GAREM1: variants seen among roughly 807,000 people sequenced by gnomAD.
GAREM1 encodes the protein GRB2-associated and regulator of MAPK protein 1.
Under a neutral mutation model 71.3 loss-of-function variants are expected in GAREM1, and 26 were observed. The observed-to-expected ratio is 0.36, with a 90% confidence interval of 0.27 to 0.51. GAREM1 has a LOEUF of 0.51. Among genes scored for constraint, GAREM1 ranks in the 20% least tolerant of loss-of-function variants. The probability of loss-of-function intolerance (pLI) is 0.95; values close to 1 mark genes in which losing one functional copy is unlikely to be tolerated. For missense variants in GAREM1, 1,026 were observed against 1,103.1 expected, an observed-to-expected ratio of 0.93 and a Z score of 0.99; for synonymous variants, 440 against 433.2, an observed-to-expected ratio of 1.02 and a Z score of -0.20.
intron 4 of GAREM1, among the ~76,000 whole-genome samples, chr18:32,270,897 GTTTTTTTTTTT>G (rs58914123): frequency 3.2e-5 from 3 of 92,614 alleles, no homozygotes; most frequent in South Asian, 4.6e-4. Context: ...GTTCAGGGAT[GTTTTTTTTTTT>G]TTTTTTTTTT....
intron 2 of GAREM1, among the ~76,000 whole-genome samples, chr18:32,367,082 A>C (rs2047934332): frequency 6.6e-6 from 1 of 152,212 alleles, no homozygotes; most frequent in South Asian, 2.1e-4. Flanking sequence ...CAAACAACAA[A>C]ACCACACAAC....
At chr18:32,419,552 G>A (rs1049515135) in intron 1 of GAREM1, among the ~76,000 whole-genome samples, 1 of 152,134 alleles carries the variant, frequency 6.6e-6, no homozygotes, top group Non-Finnish European at 1.5e-5. Flanking sequence ...CTGTGATCCT[G>A]GAATGCCAGC....
At chr18:32,457,200 AGGG>A (rs1345947983) in intron 1 of GAREM1, among the ~76,000 whole-genome samples, 1 of 22,884 alleles carries the variant, frequency 4.4e-5, no homozygotes, top group African/African-American at 1.8e-4. Flanking sequence ...TTGTGTGTGT[AGGG>A]GGGGAGAGAG....
chr18:32,299,098 A>AAC, intron 3 of GAREM1, among the ~76,000 whole-genome samples: 1 of 152,330 alleles, frequency 6.6e-6, no homozygotes, highest in East Asian at 1.9e-4. Context: ...CTATCTTCAA[A>AAC]ACATTGAAAT....
rs550531323 is a variant in GAREM1, at chr18:32,270,265, C to T, written c.1685G>A (p.Arg562His). 6.7e-5 allele frequency: 108 copies of T among 1,613,846 alleles called. No individual in the cohort carries two copies. The Middle Eastern group carries it at 1.2e-3, about 17-fold the overall frequency. Residue 562 changes from arginine (R) to histidine (H), a missense_variant, in exon 5 of 6, where the codon CGC (arginine) becomes CAC (histidine). Physicochemically the swap from Arg to His is conservative, Grantham distance 29. This residue lies in a region of GAREM1 where 636 missense variants were observed against 631.2 expected (regional missense o/e 1.01). Coordinates refer to ENST00000269209, the MANE Select transcript of GAREM1 (RefSeq NM_001242409.2). ...GTAGGACAAGGTGGGGCTGGGAGAGCGAGTCTGTTGCCGCGCTGGCTTGAC... is the reference window on the plus strand; with the variant it reads ...GTAGGACAAGGTGGGGCTGGGAGAGTGAGTCTGTTGCCGCGCTGGCTTGAC... ...RTVKPARQQT[R>H]SPSPTLSYYS...
chr18:32,381,525 T>C (rs1478286052), intron 2 of GAREM1, among the ~76,000 whole-genome samples: 1 of 152,178 alleles, frequency 6.6e-6, no homozygotes, highest in African/African-American at 2.4e-5. Flanking sequence ...CTAAGTATCG[T>C]TTTTTTCCTC....
chr18:32,263,933 T>C lies in GAREM1; in HGVS notation c.*3938A>G, dbSNP rs181113125. The C allele has an allele frequency of 6.5e-4, 99 of 152,348 alleles. No homozygotes were observed. The highest frequency in any genetic ancestry group is 2.3e-3 in the African/African-American group (95 of 41,592). 9.4% of individuals were successfully genotyped at this position (152,348 alleles called of 1,614,324 possible). A position where few individuals can be genotyped will look rare whatever the true frequency, so the allele number is the denominator to read the frequency against. ...CTGATAAGCTCTATTACAAAATTTA[T>C]AGCCTAAAAATTAGAGCAGCAAAAT... On this transcript the variant is annotated 3_prime_UTR_variant, in exon 6 of 6. Coordinates refer to ENST00000269209, the MANE Select transcript of GAREM1 (RefSeq NM_001242409.2).
At chr18:32,427,816 A>G (rs1230628180) in intron 1 of GAREM1, among the ~76,000 whole-genome samples, 1 of 152,236 alleles carries the variant, frequency 6.6e-6, no homozygotes, top group Admixed American at 6.5e-5. Flanking sequence ...AAAATGCCAC[A>G]TCATTTGTGG....
At chr18:32,389,064 G>A (rs913073698) in intron 2 of GAREM1, among the ~76,000 whole-genome samples, 1 of 152,142 alleles carries the variant, frequency 6.6e-6, no homozygotes, top group Non-Finnish European at 1.5e-5. Context: ...ATTTGGTGGG[G>A]AGGGAGGAGG....
chr18:32,462,597 A>G (rs2048962915), intron 1 of GAREM1, among the ~76,000 whole-genome samples: 1 of 152,188 alleles, frequency 6.6e-6, no homozygotes, highest in African/African-American at 2.4e-5. Context: ...TTTGTCATGC[A>G]GAAGCTTTTT....
At chr18:32,297,011 C>T (rs185701014) in intron 3 of GAREM1, among the ~76,000 whole-genome samples, 3 of 152,292 alleles carry the variant, frequency 2.0e-5, no homozygotes, top group Admixed American at 6.5e-5. Flanking sequence ...ACACCTGGCC[C>T]ACCACTTGGT....
rs561640609 is a variant in GAREM1 at position 32,315,738 on chromosome 18, G to A, written c.263-5415C>T. Among the ~76,000 whole-genome samples, 134 of 151,938 alleles carry A rather than the reference G, an allele frequency of 8.8e-4. 1 individual carries two copies. The highest frequency in any genetic ancestry group is 2.8e-3 in the African/African-American group (116 of 41,476). On this transcript the variant is annotated intron_variant, in intron 2 of 5. Transcript: ENST00000269209. ...TGTGATTGCAGGTACTGTTCAAGTC[G>A]TTAAATAAAGATTACATGATACAAT... is the stretch of plus-strand genomic sequence containing the variant.
chr18:32,279,519 A>G (rs1028352290), intron 4 of GAREM1, among the ~76,000 whole-genome samples: 8 of 152,194 alleles, frequency 5.3e-5, no homozygotes, highest in African/African-American at 1.9e-4. Context: ...CTAATGCCTG[A>G]TGATCTGTCA....
chr18:32,287,788 C>T lies in GAREM1; in HGVS notation c.809G>A (p.Arg270His), dbSNP rs774713080. The stretch of plus-strand genomic sequence containing the variant: ...GGTCTGGATGTTCACAAACTTATAG[C>T]GGTGCCCCTCACGGATGAAGTGGAG... The part of the protein sequence containing the change: ...YDLHFIREGH[R>H]YKFVNIQTKT... Residue 270 changes from arginine to histidine, a missense_variant, in exon 4 of 6, where the codon CGC becomes CAC. Arg to His is a conservative substitution (Grantham distance 29, BLOSUM62 0). This residue lies in a region of GAREM1 where 218 missense variants were observed against 296.8 expected (regional missense o/e 0.73). Coordinates refer to ENST00000269209, the MANE Select transcript of GAREM1 (RefSeq NM_001242409.2). The surrounding 1 kb of genome is among the most constrained non-coding windows in gnomAD (Gnocchi z 5.9). 5.0e-6 allele frequency: 8 copies of T among 1,613,052 alleles called. No individual in the cohort carries two copies. Among genetic ancestry groups the T allele is most frequent in the East Asian group, 2.2e-5 (1 of 44,800 alleles).
intron 2 of GAREM1, among the ~76,000 whole-genome samples, chr18:32,370,995 T>C (rs770703204): frequency 6.6e-6 from 1 of 151,996 alleles, no homozygotes; most frequent in African/African-American, 2.4e-5. Flanking sequence ...GAGCTCAGGA[T>C]CTACTGGGGG....
At position 32,433,474 on chromosome 18, in the gene GAREM1, TA is replaced by T. The variant is rs2048643979; in HGVS notation, c.121+36833del. ...AAAAAAAAAAGAAATTAAAAACATA[TA>T]ATTAAAAACATATAGAAAGGAAATC... is the stretch of plus-strand genomic sequence containing the variant. On this transcript the variant is annotated intron_variant, in intron 1 of 5. Transcript: ENST00000269209. 7.9e-5 allele frequency among the ~76,000 whole-genome samples: 12 copies of T among 151,536 alleles called. No individual in the cohort carries two copies. The South Asian group carries it at 2.5e-3, about 31-fold the overall frequency.
intron 1 of GAREM1, among the ~76,000 whole-genome samples, chr18:32,455,985 TATATC>T (rs1019004277): frequency 2.6e-5 from 4 of 152,090 alleles, no homozygotes; most frequent in Non-Finnish European, 4.4e-5. Context: ...AAAAAAATCT[TATATC>T]ATATGCAAAA....
chr18:32,264,793 T>C lies in GAREM1; in HGVS notation c.*3078A>G, dbSNP rs2041350713. 6.6e-6 allele frequency: 1 copy of C among 152,232 alleles called. No individual in the cohort carries two copies. The allele number at this position is 152,232 out of a possible 1,614,324, so 9.4% of individuals were successfully genotyped here. On this transcript the variant is annotated 3_prime_UTR_variant, in exon 6 of 6. Transcript: ENST00000269209. ...CCTCCCAACATGAGTCAGGTCCACA[T>C]TATACATTTTAGTTGCTTGGCTTGG...
At chr18:32,387,376 G>A (rs923572384) in intron 2 of GAREM1, among the ~76,000 whole-genome samples, 1 of 152,182 alleles carries the variant, frequency 6.6e-6, no homozygotes, top group Non-Finnish European at 1.5e-5. Flanking sequence ...TGGAATTAAT[G>A]TTCTGAGTAT....
Sources: allele counts gnomAD v4.1 joint callset (sites outside exome capture counted in the v4.1 genomes callset), GRCh38; gene constraint gnomAD v4.1.1; regional missense constraint gnomAD v4.1.1; non-coding constraint Gnocchi (gnomAD v3.1); transcripts MANE v1.5; gene names NCBI Gene and HGNC (gene_info 2026-07-23, HGNC 2026-07-21).